Variants in ZNF607 observed in about 807,000 individuals in gnomAD.
The protein encoded by ZNF607 is zinc finger protein 607.
ZNF607 carries 5 observed loss-of-function variants against 12.8 expected under a neutral mutation model. That is an observed-to-expected ratio of 0.39 (90% CI 0.20 to 0.82). The LOEUF is 0.82. Among genes scored for constraint, ZNF607 ranks in the 40% least tolerant of loss-of-function variants. The pLI, the probability that ZNF607 is intolerant of heterozygous loss-of-function variation, is 0.39. For synonymous variants in ZNF607, 287 were observed against 276.2 expected (o/e 1.04, Z -0.39); for missense variants, 851 against 859.2 (o/e 0.99, Z 0.12).
Position 37,697,769 on chromosome 19 carries a change from C to G in ZNF607, c.*271G>C, listed in dbSNP as rs2044989361. The G allele has an allele frequency of 3.0e-6, 1 of 335,228 alleles. No individual in the cohort carries two copies. Among genetic ancestry groups the G allele is most frequent in the Admixed American group, 4.4e-5 (1 of 22,668 alleles). 20.8% of individuals were successfully genotyped at this position (335,228 alleles called of 1,614,324 possible). ...CTCTACTGTGAATATTTTGGCAATC[C>G]AAAACTAGAGGAATATCAGAAAAGT... On this transcript the variant is annotated 3_prime_UTR_variant, in exon 5 of 5. Transcript: ENST00000355202.
Position 37,709,729 on chromosome 19 carries a change from T to A in ZNF607, c.103A>T (p.Met35Leu), listed in dbSNP as rs1187110162. The change falls in exon 3 of 5, where the codon ATG (methionine) becomes TTG (leucine). Residue 35 changes from methionine to leucine, a missense_variant. Physicochemically the swap from Met to Leu is conservative, Grantham distance 15 (BLOSUM62 2). Transcript: ENST00000355202. ...ACTAAGTTGTCATAGTTCTCCATCA[T>A]CACCTCCTGGTACAAGGTCTTCTGA... Reference protein sequence around the residue: ...LVQKTLYQEVMMENYDNLVSL... With the variant: ...LVQKTLYQEVLMENYDNLVSL... The A allele has an allele frequency of 6.2e-7, 1 of 1,613,894 alleles. No homozygotes were observed. The highest frequency in any genetic ancestry group is 2.2e-5 in the East Asian group (1 of 44,900).
At position 37,699,014 on chromosome 19, in the gene ZNF607, C is replaced by T; in HGVS notation, c.1117G>A (p.Ala373Thr). 1 of 1,613,968 alleles carries T rather than the reference C, an allele frequency of 6.2e-7. No individual in the cohort carries two copies. Among genetic ancestry groups the T allele is most frequent in the South Asian group, 1.1e-5 (1 of 91,074 alleles). Residue 373 changes from alanine to threonine, a missense_variant, in exon 5 of 5, where the codon GCC becomes ACC. Ala to Thr is a moderately conservative substitution (Grantham distance 58). Coordinates refer to ENST00000355202, the MANE Select transcript of ZNF607 (RefSeq NM_032689.5). Reference sequence around the variant, plus strand: ...GTAAGTCGTCCATGCACACTAAAGGCTTTCCCACATTCCTCACACTTATAA... The same window carrying T: ...GTAAGTCGTCCATGCACACTAAAGGTTTTCCCACATTCCTCACACTTATAA... ...KPYKCEECGK[A>T]FSVHGRLTRH...
intron 2 of ZNF607, among the ~76,000 whole-genome samples, chr19:37,710,213 C>T (rs1200954508): frequency 6.6e-6 from 1 of 151,440 alleles, no homozygotes; most frequent in Non-Finnish European, 1.5e-5. Flanking sequence ...GCCTGTAATT[C>T]CAGAACTTTG....
At chr19:37,710,052 G>A (rs576738162) in intron 2 of ZNF607, among the ~76,000 whole-genome samples, 2 of 152,336 alleles carry the variant, frequency 1.3e-5, no homozygotes, top group African/African-American at 4.8e-5. Context: ...CTACTCGGGA[G>A]GCTGAGATAG....
rs1333398550 is a variant in ZNF607, at chr19:37,697,804, T to C, written c.*236A>G. On this transcript the variant is annotated 3_prime_UTR_variant, in exon 5 of 5. Transcript: ENST00000355202. ...GGAATATCAGAAAAGTTTTCTTATG[T>C]TATTAAAAAAATACATTATAAATTC... The C allele has an allele frequency of 2.3e-5, 9 of 394,378 alleles. No individual in the cohort carries two copies. Among genetic ancestry groups the C allele is most frequent in the Admixed American group, 4.1e-5 (1 of 24,372 alleles). 24.4% of individuals were successfully genotyped at this position (394,378 alleles called of 1,614,324 possible).
At chr19:37,718,494 T>G (rs935316138) in intron 1 of ZNF607, among the ~76,000 whole-genome samples, 1 of 152,126 alleles carries the variant, frequency 6.6e-6, no homozygotes, top group Non-Finnish European at 1.5e-5. Flanking sequence ...TTGTTAAACA[T>G]GTAAATGAAA....
In ZNF607 at chr19:37,698,979, C is replaced by T; in HGVS notation, c.1152G>A (p.Gln384=). 1.9e-6 allele frequency: 3 copies of T among 1,613,832 alleles called. No individual in the cohort carries two copies. Among genetic ancestry groups the T allele is most frequent in the Non-Finnish European group, 1.7e-6 (2 of 1,179,952 alleles). The change falls in exon 5 of 5, where the codon CAG becomes CAA. Residue 384 remains glutamine, a synonymous_variant. Coordinates refer to ENST00000355202, the MANE Select transcript of ZNF607 (RefSeq NM_032689.5). The part of the protein sequence containing the change: ...FSVHGRLTRH[Q]GIHSGKKPYE... ...AGGGTTTCTTACCACTATGAATACC[C>T]TGATGTCGAGTAAGTCGTCCATGCA...
chr19:37,699,983 T>C (rs1282911586), intron 4 of ZNF607, 88 bp from the exon 5 acceptor site: 11 of 1,201,082 alleles, frequency 9.2e-6, no homozygotes, highest in East Asian at 2.5e-5. Context: ...CTATTACAGA[T>C]GCTAACTCGA....
chr19:37,697,591 T>C lies in ZNF607; in HGVS notation c.*449A>G, dbSNP rs545850096. On this transcript the variant is annotated 3_prime_UTR_variant, in exon 5 of 5. Transcript: ENST00000355202. Reference sequence around the variant, plus strand: ...AGATGTTGATCATGAGCATTAAATATGCAGAGTGGCTAAATAGCCTTTCCC... The same window carrying C: ...AGATGTTGATCATGAGCATTAAATACGCAGAGTGGCTAAATAGCCTTTCCC... The C allele has an allele frequency of 2.4e-5, 11 of 456,426 alleles. No individual in the cohort carries two copies. The East Asian group carries it at 4.5e-4, about 19-fold the overall frequency. 28.3% of individuals were successfully genotyped at this position (456,426 alleles called of 1,614,324 possible).
chr19:37,718,774 A>G (rs924011162), intron 1 of ZNF607, among the ~76,000 whole-genome samples: 3 of 152,150 alleles, frequency 2.0e-5, no homozygotes, highest in Non-Finnish European at 4.4e-5. Flanking sequence ...GTTTAGTCAG[A>G]ATCTTCCTTA....
chr19:37,702,303 A>G (rs2045046156), intron 4 of ZNF607, among the ~76,000 whole-genome samples: 1 of 151,164 alleles, frequency 6.6e-6, no homozygotes. Context: ...AAAAAAAAAA[A>G]AAAAAAGAAA....
At chr19:37,715,603 T>TAA (rs767020720) in intron 1 of ZNF607, among the ~76,000 whole-genome samples, 1 of 129,184 alleles carries the variant, frequency 7.7e-6, no homozygotes, top group Non-Finnish European at 1.7e-5. Flanking sequence ...AAACTCCATC[T>TAA]AAAAAAAAAA....
chr19:37,709,659 T>A, intron 3 of ZNF607, 37 bp downstream of exon 3: 1 of 1,593,844 alleles, frequency 6.3e-7, no homozygotes, highest in African/African-American at 1.3e-5. Context: ...CAGATGATTC[T>A]AAATTATTCT....
chr19:37,700,517 G>C (rs1328982642), intron 4 of ZNF607, among the ~76,000 whole-genome samples: 2 of 152,140 alleles, frequency 1.3e-5, no homozygotes, highest in Non-Finnish European at 2.9e-5. Context: ...ATTGAAGAAT[G>C]ATCAGGTTTA....
chr19:37,699,917 C>T (rs1158300828), intron 4 of ZNF607, 22 bp from the exon 5 acceptor site: 1 of 1,514,970 alleles, frequency 6.6e-7, no homozygotes, highest in South Asian at 1.3e-5. Context: ...AAAATAAAAA[C>T]ATTTTATTGG....
intron 1 of ZNF607, among the ~76,000 whole-genome samples, chr19:37,717,806 CAAAAAAAAAAAA>C (rs57152044): frequency 1.5e-5 from 1 of 67,096 alleles, no homozygotes; most frequent in Non-Finnish European, 2.6e-5. Flanking sequence ...AACTCAGTCT[CAAAAAAAAAAAA>C]AAAAAAAAAA....
At chr19:37,709,214 G>GT (rs2045111081) in intron 3 of ZNF607, among the ~76,000 whole-genome samples, 1 of 152,132 alleles carries the variant, frequency 6.6e-6, no homozygotes, top group Non-Finnish European at 1.5e-5. Context: ...TCAATTTTAA[G>GT]TAAGTTTCAT....
intron 1 of ZNF607, among the ~76,000 whole-genome samples, chr19:37,717,782 G>A (rs1279754340): frequency 7.0e-6 from 1 of 143,848 alleles, no homozygotes; most frequent in Non-Finnish European, 1.5e-5. Flanking sequence ...CTCCAGCCTG[G>A]GCAACAAGAG....
chr19:37,716,872 G>A (rs1254017405), intron 1 of ZNF607, among the ~76,000 whole-genome samples: 1 of 152,150 alleles, frequency 6.6e-6, no homozygotes, highest in Non-Finnish European at 1.5e-5. Flanking sequence ...CTAAATATTA[G>A]GCCTAGAATG....
Sources: gnomAD v4.1 joint callset for allele counts (sites outside exome capture counted in the v4.1 genomes callset) on GRCh38, gnomAD v4.1.1 for gene constraint, MANE v1.5 for transcripts, NCBI Gene and HGNC (gene_info 2026-07-23, HGNC 2026-07-21) for gene names.